The following CDH3 variants were observed in gnomAD, a reference collection of about 807,000 sequenced individuals.
The protein encoded by CDH3 is cadherin-3.
Under a neutral mutation model 82.0 loss-of-function variants are expected in CDH3, and 54 were observed. The ratio of observed to expected loss-of-function variants is 0.66; its 90% confidence interval spans 0.53 to 0.83. The LOEUF (loss-of-function observed/expected upper bound fraction) is 0.83, where lower values mean the gene tolerates loss of function less well. Ranked by LOEUF, CDH3 falls within the 40% of genes least tolerant of loss-of-function variation. The pLI, the probability that CDH3 is intolerant of heterozygous loss-of-function variation, is 0.00. For missense variants in CDH3, 1,054 were observed against 1,084.6 expected (o/e 0.97, Z 0.40); for synonymous variants, 446 against 437.9 (o/e 1.02, Z -0.23).
intron 5 of CDH3, 30 bp downstream of exon 5, chr16:68,678,686 G>A: frequency 6.2e-7 from 1 of 1,614,172 alleles, no homozygotes; most frequent in Non-Finnish European, 8.5e-7. Context: ...TACTGTAAAT[G>A]TCCCCTCAGA....
At chr16:68,653,306 G>T (rs774747629) in intron 2 of CDH3, among the ~76,000 whole-genome samples, 6 of 151,424 alleles carry the variant, frequency 4.0e-5, no homozygotes, top group Non-Finnish European at 7.4e-5. Flanking sequence ...GCGTGATCTT[G>T]GCTCACCGCA....
At position 68,686,358 on chromosome 16, in the gene CDH3, G is replaced by A. The variant is rs1340598680; in HGVS notation, c.1570+1008G>A. ...GCGGCGCTACACAAGAGCAGAGTAC[G>A]AGTCTGAGGTGGAGGGAGTCATGGC... On this transcript the variant is annotated intron_variant, in intron 11 of 15. Coordinates refer to ENST00000264012, the MANE Select transcript of CDH3 (RefSeq NM_001793.6). 1.4e-5 allele frequency: 15 copies of A among 1,051,590 alleles called. 1 individual carries two copies. Among genetic ancestry groups the A allele is most frequent in the Admixed American group, 5.2e-5 (3 of 57,530 alleles). 65.1% of individuals were successfully genotyped at this position (1,051,590 alleles called of 1,614,324 possible).
At chr16:68,648,702 A>G (rs1567434621) in intron 2 of CDH3, among the ~76,000 whole-genome samples, 1 of 151,850 alleles carries the variant, frequency 6.6e-6, no homozygotes, top group South Asian at 2.1e-4. Context: ...TTCCCACCTC[A>G]GCCTCCCAAG....
chr16:68,684,693 G>C lies in CDH3; in HGVS notation c.1293G>C (p.Val431=). 1.2e-6 allele frequency: 2 copies of C among 1,614,214 alleles called. No homozygotes were observed. Among genetic ancestry groups the C allele is most frequent in the Non-Finnish European group, 1.7e-6 (2 of 1,180,048 alleles). The part of the protein sequence containing the change: ...PTSTATIVVH[V]EDVNEAPVFV... ...CCACAGCCACCATAGTGGTCCACGT[G>C]GAGGATGTGAATGAGGCACCTGTGT... is the stretch of plus-strand genomic sequence containing the variant. Residue 431 remains valine (V), a synonymous_variant, in exon 10 of 16, where the codon GTG becomes GTC. Coordinates refer to ENST00000264012, the MANE Select transcript of CDH3 (RefSeq NM_001793.6).
chr16:68,678,496 T>C lies in CDH3; in HGVS notation c.391-5T>C. On this transcript the variant is annotated splice_polypyrimidine_tract_variant and splice_region_variant and intron_variant, in intron 4 of 15. Transcript: ENST00000264012. ...TTGTCAGCTGCCATTTTCTTTTCCC[T>C]CCAGCTCAAGTCTAATAAAGATAGA... The C allele has an allele frequency of 6.2e-7, 1 of 1,614,196 alleles. No homozygotes were observed. The highest frequency in any genetic ancestry group is 8.5e-7 in the Non-Finnish European group (1 of 1,180,016).
At chr16:68,646,137 C>A (rs1370875453) in intron 2 of CDH3, 1 of 258,624 alleles carries the variant, frequency 3.9e-6, no homozygotes, top group East Asian at 9.9e-5. Context: ...CGGGCAGCCC[C>A]CTTCGCCCCT....
At chr16:68,678,030 T>G in intron 3 of CDH3, 104 bp from the exon 4 acceptor site, 13 of 1,069,846 alleles carry the variant, frequency 1.2e-5, no homozygotes, top group Non-Finnish European at 1.7e-5. Flanking sequence ...ATTATAGGCG[T>G]GAGCTACCAT....
intron 1 of CDH3, among the ~76,000 whole-genome samples, chr16:68,705,647 C>G (rs1391441609): frequency 6.6e-6 from 1 of 151,708 alleles, no homozygotes; most frequent in East Asian, 2.0e-4. Flanking sequence ...GTCTTGAATT[C>G]CTGACCTCAG....
At chr16:68,661,672 T>C (rs1400379354) in intron 2 of CDH3, among the ~76,000 whole-genome samples, 2 of 152,200 alleles carry the variant, frequency 1.3e-5, no homozygotes, top group African/African-American at 2.4e-5. Flanking sequence ...GATAGGCAAT[T>C]AAATAATCAC....
At chr16:68,664,329 G>A (rs1209997913) in intron 2 of CDH3, among the ~76,000 whole-genome samples, 1 of 152,120 alleles carries the variant, frequency 6.6e-6, no homozygotes, top group Non-Finnish European at 1.5e-5. Flanking sequence ...GAAGGATCTG[G>A]ATATTTAAAT....
At chr16:68,728,705 G>A (rs1962252797), downstream of CDH3, among the ~76,000 whole-genome samples, 3 of 152,160 alleles carry the variant, frequency 2.0e-5, no homozygotes, top group East Asian at 1.9e-4. Flanking sequence ...TGTTGTTTGA[G>A]CTAATGGATG....
chr16:68,676,489 C>G lies in CDH3; in HGVS notation c.246+19C>G, dbSNP rs1216700060. ...AGTCCAGGTAAAATACCATGTCCAC[C>G]TGCAGGACAAAAGAAAGATGTTCTC... On this transcript the variant is annotated intron_variant, in intron 3 of 15. Transcript: ENST00000264012. 1.3e-6 allele frequency: 2 copies of G among 1,580,108 alleles called. No homozygotes were observed. Among genetic ancestry groups the G allele is most frequent in the Non-Finnish European group, 8.7e-7 (1 of 1,148,894 alleles).
intron 2 of CDH3, among the ~76,000 whole-genome samples, chr16:68,665,576 A>G (rs541679591): frequency 1.7e-4 from 26 of 152,264 alleles, no homozygotes; most frequent in African/African-American, 6.3e-4. Context: ...TAAGTGATTG[A>G]CGCAAGGCTG....
chr16:68,673,497 G>A (rs1960945866), intron 2 of CDH3, among the ~76,000 whole-genome samples: 1 of 148,842 alleles, frequency 6.7e-6, no homozygotes, highest in Non-Finnish European at 1.5e-5. Context: ...TTAGAGAAAA[G>A]GGTCTTGCTG....
chr16:68,666,522 C>T (rs978641323), intron 2 of CDH3, among the ~76,000 whole-genome samples: 2 of 152,122 alleles, frequency 1.3e-5, no homozygotes, highest in African/African-American at 4.8e-5. Context: ...CTCTTCCCCC[C>T]ACCCCACTTT....
At chr16:68,689,978 C>T (rs1961520818) in intron 12 of CDH3, among the ~76,000 whole-genome samples, 1 of 152,198 alleles carries the variant, frequency 6.6e-6, no homozygotes, top group Admixed American at 6.5e-5. Flanking sequence ...TAACAGCTCC[C>T]TTCTTGAGAA....
chr16:68,664,180 C>T (rs1345183523), intron 2 of CDH3, among the ~76,000 whole-genome samples: 2 of 152,048 alleles, frequency 1.3e-5, no homozygotes, highest in East Asian at 3.9e-4. Flanking sequence ...TATGCTATTC[C>T]CTGGGGGAGA....
chr16:68,701,753 C>G (rs533890167), downstream of CDH3, among the ~76,000 whole-genome samples: 1 of 151,802 alleles, frequency 6.6e-6, no homozygotes, highest in African/African-American at 2.4e-5. Context: ...GGGCCGGGCG[C>G]GGTGACTCAC....
chr16:68,678,040 T>C (rs989758832), intron 3 of CDH3, 94 bp from the exon 4 acceptor site: 34 of 1,209,466 alleles, frequency 2.8e-5, no homozygotes, highest in Non-Finnish European at 4.1e-5. Flanking sequence ...TGAGCTACCA[T>C]GCCCAGCCAC....
Sources: gnomAD v4.1 joint callset for allele counts (sites outside exome capture counted in the v4.1 genomes callset) on GRCh38, gnomAD v4.1.1 for gene constraint, MANE v1.5 for transcripts, NCBI Gene and HGNC (gene_info 2026-07-23, HGNC 2026-07-21) for gene names.